The following ENPP3 variants were observed in gnomAD, a reference collection of about 807,000 sequenced individuals.
ENPP3 encodes the protein ectonucleotide pyrophosphatase/phosphodiesterase family member 3.
A neutral mutation model predicts 117.8 loss-of-function variants in ENPP3; 104 were observed. That is an observed-to-expected ratio of 0.88 (90% CI 0.75 to 1.04). ENPP3 has a LOEUF of 1.04. Among genes scored for constraint, ENPP3 ranks in the 50% least tolerant of loss-of-function variants. The pLI, the probability that ENPP3 is intolerant of heterozygous loss-of-function variation, is 0.00. For synonymous variants in ENPP3, 380 were observed against 349.9 expected (o/e 1.09, Z -0.96); for missense variants, 1,026 against 1,051.9 (o/e 0.98, Z 0.34).
chr6:131,724,041 G>A lies in ENPP3; in HGVS notation c.1748G>A (p.Ser583Asn). The A allele has an allele frequency of 1.2e-6, 2 of 1,609,812 alleles. No individual in the cohort carries two copies. The highest frequency in any genetic ancestry group is 1.1e-5 in the South Asian group (1 of 90,842). The change falls in exon 19 of 25, where the codon AGT (serine) becomes AAT (asparagine). Residue 583 changes from serine to asparagine, a missense_variant and splice_region_variant. By Grantham distance (46) the Ser-to-Asn change is conservative. Coordinates refer to ENST00000357639, the MANE Select transcript of ENPP3 (RefSeq NM_005021.5). ...TTCCCATCCCTCATTATCTTGCAGA[G>A]TACTCAGCTGGAACAAGTGAATCAG... The part of the protein sequence containing the change: ...LDCFCPHLQN[S>N]TQLEQVNQML...
At chr6:131,717,008 C>T (rs1779905888) in intron 15 of ENPP3, among the ~76,000 whole-genome samples, 1 of 151,886 alleles carries the variant, frequency 6.6e-6, no homozygotes, top group African/African-American at 2.4e-5. Flanking sequence ...CTATAGTTGT[C>T]ATATGCCAGC....
intron 16 of ENPP3, 109 bp from the exon 17 acceptor site, chr6:131,720,183 C>A: frequency 1.6e-6 from 1 of 628,404 alleles, no homozygotes; most frequent in Non-Finnish European, 2.8e-6. Context: ...CTTACAGAGG[C>A]CTAATACAAA....
Position 131,657,860 on chromosome 6 carries a change from G to A in ENPP3, c.465-463G>A, listed in dbSNP as rs73552620. ...CTATGCTTCTGTGAAATGTGTGTGT[G>A]TATAACAGAAGTAAAATTTTAGGCC... On this transcript the variant is annotated intron_variant, in intron 5 of 24. Transcript: ENST00000357639. Among the ~76,000 whole-genome samples, 1,515 of 152,176 alleles carry A rather than the reference G, an allele frequency of 1.0e-2. 24 individuals are homozygous for A. Among genetic ancestry groups the A allele is most frequent in the African/African-American group, 0.035 (1,449 of 41,496 alleles).
At position 131,718,675 on chromosome 6, in the gene ENPP3, T is replaced by C; in HGVS notation, c.1416T>C (p.Ser472=). 2 of 1,572,246 alleles carry C rather than the reference T, an allele frequency of 1.3e-6. No individual in the cohort carries two copies. Among genetic ancestry groups the C allele is most frequent in the South Asian group, 1.1e-5 (1 of 89,270 alleles). ...TAATAATATTTTTTCTTTATAGGAGTAAATCAAATACAAATTGTGGAGGAG... is the reference window on the plus strand; with the variant it reads ...TAATAATATTTTTTCTTTATAGGAGCAAATCAAATACAAATTGTGGAGGAG... ...FVDQQWLAVR[S]KSNTNCGGGN... Residue 472 remains serine, a synonymous_variant, in exon 16 of 25, where the codon AGT becomes AGC. Transcript: ENST00000357639.
rs764247233 is a variant in ENPP3 at position 131,674,410 on chromosome 6, G to A, written c.762+129G>A. ...AGTTTCTAAGGGCTGAGGGTGCAAAGGTGTTTTACCACTATTTGTAACTTG... is the reference window on the plus strand; with the variant it reads ...AGTTTCTAAGGGCTGAGGGTGCAAAAGTGTTTTACCACTATTTGTAACTTG... On this transcript the variant is annotated intron_variant, in intron 8 of 24. Transcript: ENST00000357639. 13 of 880,724 alleles carry A rather than the reference G, an allele frequency of 1.5e-5. No individual in the cohort carries two copies. In the African/African-American group the frequency reaches 2.2e-4, roughly 15 times the overall value. The allele number at this position is 880,724 out of a possible 1,614,324, so 54.6% of individuals were successfully genotyped here. A position where few individuals can be genotyped will look rare whatever the true frequency, so the allele number is the denominator to read the frequency against.
intron 21 of ENPP3, among the ~76,000 whole-genome samples, chr6:131,734,769 G>T (rs1780359911): frequency 6.6e-6 from 1 of 151,802 alleles, no homozygotes; most frequent in Admixed American, 6.6e-5. Context: ...GGGTTTGCTG[G>T]TGCGCACCTG....
chr6:131,649,114 A>G (rs59956400), intron 2 of ENPP3, among the ~76,000 whole-genome samples: 2,405 of 152,214 alleles, frequency 0.016, 74 homozygotes, highest in African/African-American at 0.055. Flanking sequence ...TCTTAGCTCT[A>G]TTTACATCTT....
At chr6:131,701,884 G>GAAAAAAAA (rs1170025527) in intron 15 of ENPP3, among the ~76,000 whole-genome samples, 31 of 96,886 alleles carry the variant, frequency 3.2e-4, no homozygotes, top group Non-Finnish European at 5.2e-4. Flanking sequence ...TCTGTCTCCA[G>GAAAAAAAA]AAAAAAAAAA....
At chr6:131,695,083 T>C (rs995681505) in intron 15 of ENPP3, among the ~76,000 whole-genome samples, 1 of 151,348 alleles carries the variant, frequency 6.6e-6, no homozygotes, top group Non-Finnish European at 1.5e-5. Flanking sequence ...TTTGTGTAGA[T>C]GGGTGGCTGT....
At chr6:131,740,534 C>T (rs1780506892) in intron 24 of ENPP3, among the ~76,000 whole-genome samples, 154 bp downstream of exon 24, 1 of 151,954 alleles carries the variant, frequency 6.6e-6, no homozygotes, top group Admixed American at 6.5e-5. Context: ...TTTCCTTAGG[C>T]TATTGATCTC....
chr6:131,661,749 A>G (rs989083743), intron 6 of ENPP3, among the ~76,000 whole-genome samples: 1 of 152,066 alleles, frequency 6.6e-6, no homozygotes, highest in Non-Finnish European at 1.5e-5. Context: ...AGACTATTGT[A>G]TTTTTTGCTA....
chr6:131,691,354 C>T (rs1370447263), intron 14 of ENPP3, among the ~76,000 whole-genome samples: 6 of 151,870 alleles, frequency 4.0e-5, no homozygotes, highest in Admixed American at 1.3e-4. Flanking sequence ...TTTGGGAGGC[C>T]GAGGCGGGCG....
intron 1 of ENPP3, among the ~76,000 whole-genome samples, chr6:131,640,430 T>C (rs748634960): frequency 6.6e-6 from 1 of 152,210 alleles, no homozygotes; most frequent in Non-Finnish European, 1.5e-5. Flanking sequence ...CTTTGAGACT[T>C]CATATAAGAA....
At chr6:131,735,428 T>C (rs895812654) in intron 21 of ENPP3, among the ~76,000 whole-genome samples, 1 of 152,078 alleles carries the variant, frequency 6.6e-6, no homozygotes, top group Non-Finnish European at 1.5e-5. Context: ...TGTTTCTTCT[T>C]GTCTTTTGGT....
chr6:131,702,047 T>C (rs1285983497), intron 15 of ENPP3, among the ~76,000 whole-genome samples: 1 of 152,130 alleles, frequency 6.6e-6, no homozygotes, highest in African/African-American at 2.4e-5. Context: ...GGCTCAGGCC[T>C]TTCAGGGATG....
At position 131,737,387 on chromosome 6, in the gene ENPP3, G is replaced by T; in HGVS notation, c.2122G>T (p.Ala708Ser). 6.2e-7 allele frequency: 1 copy of T among 1,608,840 alleles called. No homozygotes were observed. The highest frequency in any genetic ancestry group is 1.7e-5 in the Admixed American group (1 of 59,810). ...SNRTSDSQYD[A>S]LITSNLVPMY... ...TAGAACATCAGATAGCCAATATGATGCTTTAATTACTAGCAATTTGGTACC... is the reference window on the plus strand; with the variant it reads ...TAGAACATCAGATAGCCAATATGATTCTTTAATTACTAGCAATTTGGTACC... The change falls in exon 22 of 25, where the codon GCT becomes TCT. Residue 708 changes from alanine to serine, a missense_variant. By Grantham distance (99) the Ala-to-Ser change is moderately conservative. Transcript: ENST00000357639.
At chr6:131,687,215 A>T (rs1216544056) in intron 14 of ENPP3, among the ~76,000 whole-genome samples, 2 of 152,124 alleles carry the variant, frequency 1.3e-5, no homozygotes, top group African/African-American at 4.8e-5. Context: ...CATTCTGACT[A>T]GTGTGAGATG....
At chr6:131,722,437 G>T (rs372335467) in intron 18 of ENPP3, 32 bp downstream of exon 18, 5 of 1,585,638 alleles carry the variant, frequency 3.2e-6, no homozygotes, top group Non-Finnish European at 4.3e-6. Context: ...CCATAAGAAC[G>T]TAAAGGGGCA....
At chr6:131,682,958 G>A (rs1779057150) in intron 11 of ENPP3, 96 bp from the exon 12 acceptor site, 1 of 768,744 alleles carries the variant, frequency 1.3e-6, no homozygotes, top group Admixed American at 2.1e-5. Flanking sequence ...AGCAATTTCA[G>A]AGATGGAGAT....
Sources: gnomAD v4.1 joint callset for allele counts (sites outside exome capture counted in the v4.1 genomes callset) on GRCh38, gnomAD v4.1.1 for gene constraint, MANE v1.5 for transcripts, NCBI Gene and HGNC (gene_info 2026-07-23, HGNC 2026-07-21) for gene names.